Variants in RIOK1 observed in about 807,000 individuals in gnomAD.
The protein encoded by RIOK1 is serine/threonine-protein kinase RIO1.
A neutral mutation model predicts 73.5 loss-of-function variants in RIOK1; 66 were observed. The ratio of observed to expected loss-of-function variants is 0.90; its 90% CI spans 0.74 to 1.10. The LOEUF is 1.10. RIOK1 is among the 50% of genes least tolerant of loss of function. The pLI is 0.00. For missense variants in RIOK1, 658 were observed against 699.8 expected (o/e 0.94, Z 0.67); for synonymous variants, 224 against 226.8 (o/e 0.99, Z 0.11).
chr6:7,408,249 C>T (rs1761798403), intron 12 of RIOK1, among the ~76,000 whole-genome samples: 1 of 152,192 alleles, frequency 6.6e-6, no homozygotes, highest in Non-Finnish European at 1.5e-5. Flanking sequence ...TTGGCCATGG[C>T]AAGTCTCGAA....
rs756968345 is a variant in RIOK1 at position 7,402,616 on chromosome 6, A to C, written c.587A>C (p.His196Pro). 6 of 1,602,424 alleles carry C rather than the reference A, an allele frequency of 3.7e-6. No homozygotes were observed. In the South Asian group the frequency reaches 6.8e-5, roughly 18 times the overall value. ...GACTTAATATAGGCTAATGTATACC[A>C]TGCTAGCACAGCAAATGGAGAGAGC... Reference protein sequence around the residue: ...ISTGKEANVYHASTANGESRA... With the variant: ...ISTGKEANVYPASTANGESRA... The change falls in exon 7 of 17, where the codon CAT (histidine) becomes CCT (proline). Residue 196 changes from histidine (H) to proline (P), a missense_variant. Physicochemically the swap from His to Pro is moderately conservative, Grantham distance 77. Coordinates refer to ENST00000379834, the MANE Select transcript of RIOK1 (RefSeq NM_031480.3).
At chr6:7,403,492 G>A (rs1761664117) in intron 8 of RIOK1, among the ~76,000 whole-genome samples, 1 of 152,138 alleles carries the variant, frequency 6.6e-6, no homozygotes, top group Non-Finnish European at 1.5e-5. Flanking sequence ...TTTATATGGT[G>A]TACACAGGTG....
intron 13 of RIOK1, among the ~76,000 whole-genome samples, chr6:7,411,085 T>C (rs759947672): frequency 6.6e-6 from 1 of 152,210 alleles, no homozygotes; most frequent in Non-Finnish European, 1.5e-5. Flanking sequence ...TTGAATCAGC[T>C]CTAATGTTTT....
At chr6:7,411,294 T>G (rs1473403338) in intron 13 of RIOK1, 38 bp from the exon 14 acceptor site, 1 of 1,608,172 alleles carries the variant, frequency 6.2e-7, no homozygotes, top group Non-Finnish European at 8.5e-7. Flanking sequence ...GAGAAGTGTA[T>G]GAATAACAGT....
chr6:7,414,624 T>C (rs527377056), intron 16 of RIOK1, among the ~76,000 whole-genome samples: 10 of 152,242 alleles, frequency 6.6e-5, no homozygotes, highest in Admixed American at 6.5e-4. Flanking sequence ...CGCACTAAAT[T>C]CAGTACATTT....
At chr6:7,409,709 G>A (rs1281005000) in intron 12 of RIOK1, among the ~76,000 whole-genome samples, 1 of 148,516 alleles carries the variant, frequency 6.7e-6, no homozygotes, top group Non-Finnish European at 1.5e-5. Flanking sequence ...GATCTCAGGT[G>A]ATCTGCTGGC....
rs141234956 is a variant in RIOK1 at position 7,402,647 on chromosome 6, A to G, written c.618A>G (p.Ala206=). 2 of 1,612,818 alleles carry G rather than the reference A, an allele frequency of 1.2e-6. No individual in the cohort carries two copies. Among genetic ancestry groups the G allele is most frequent in the African/African-American group, 2.7e-5 (2 of 74,892 alleles). Residue 206 remains alanine (A), a synonymous_variant, in exon 7 of 17, where the codon GCA becomes GCG. Transcript: ENST00000379834. ...GCACAGCAAATGGAGAGAGCAGAGC[A>G]ATCAAAATTTATAAAACTTCTATTT... The part of the protein sequence containing the change: ...HASTANGESR[A]IKIYKTSILV...
rs1158519693 is a variant in RIOK1 at position 7,404,520 on chromosome 6, A to C, written c.957A>C (p.Arg319Ser). Reference sequence around the variant, plus strand: ...TGAGAAGAATGTATCAGGATGCCAGACTTGTCCATGCAGATCTCAGTGAAT... The same window carrying C: ...TGAGAAGAATGTATCAGGATGCCAGCCTTGTCCATGCAGATCTCAGTGAAT... ...QYMRRMYQDARLVHADLSEFN... is the reference protein window; with the variant it reads ...QYMRRMYQDASLVHADLSEFN... The change falls in exon 10 of 17, where the codon AGA becomes AGC. Residue 319 changes from arginine to serine, a missense_variant. Arg to Ser is a moderately radical substitution (Grantham distance 110). Transcript: ENST00000379834. 3.1e-6 allele frequency: 5 copies of C among 1,614,044 alleles called. No homozygotes were observed. Among genetic ancestry groups the C allele is most frequent in the Middle Eastern group, 1.6e-4 (1 of 6,084 alleles).
Position 7,405,288 on chromosome 6 carries a change from G to T in RIOK1, c.1136G>T (p.Arg379Leu). 6.2e-7 allele frequency: 1 copy of T among 1,613,414 alleles called. No homozygotes were observed. The highest frequency in any genetic ancestry group is 2.2e-5 in the East Asian group (1 of 44,874). The change falls in exon 12 of 17, where the codon CGG (arginine) becomes CTG (leucine). Residue 379 changes from arginine (R) to leucine (L), a missense_variant. Arg to Leu is a moderately radical substitution (Grantham distance 102). Transcript: ENST00000379834. The part of the protein sequence containing the change: ...MRHSVAVMTV[R>L]ELFEFVTDPS... ...CACAGTGTTGCTGTCATGACTGTGC[G>T]GGAGCTCTTTGAATTTGTCACAGAT...
chr6:7,404,603 C>G (rs755289948), intron 10 of RIOK1, 48 bp downstream of exon 10: 1 of 1,588,118 alleles, frequency 6.3e-7, no homozygotes, highest in South Asian at 1.1e-5. Flanking sequence ...TGTTTCGTGT[C>G]CTTTAAAATG....
rs1206750042 is a variant in RIOK1 at position 7,390,109 on chromosome 6, GCT to G, written c.71+42_71+43del. 4 of 1,538,536 alleles carry G rather than the reference GCT, an allele frequency of 2.6e-6. No homozygotes were observed. The African/African-American group carries it at 5.5e-5, about 21-fold the overall frequency. ...GTACAGTGCCCTGGCTCTGGGTACG[GCT>G]CTCTCCTTGACCGCCCCCTTGGGGT... On this transcript the variant is annotated intron_variant, in intron 1 of 16. Coordinates refer to ENST00000379834, the MANE Select transcript of RIOK1 (RefSeq NM_031480.3).
At chr6:7,403,013 T>C (rs2113513301) in intron 8 of RIOK1, 116 bp downstream of exon 8, 1 of 762,246 alleles carries the variant, frequency 1.3e-6, no homozygotes, top group Non-Finnish European at 2.1e-6. Flanking sequence ...TTAGGGCCTT[T>C]ATTTCTATTA....
chr6:7,416,599 G>T lies in RIOK1; in HGVS notation c.1597-732G>T, dbSNP rs570596914. Among the ~76,000 whole-genome samples, 8 of 145,698 alleles carry T rather than the reference G, an allele frequency of 5.5e-5. No individual in the cohort carries two copies. In the South Asian group the frequency reaches 1.3e-3, roughly 24 times the overall value. On this transcript the variant is annotated intron_variant, in intron 16 of 16. Coordinates refer to ENST00000379834, the MANE Select transcript of RIOK1 (RefSeq NM_031480.3). The stretch of plus-strand genomic sequence containing the variant: ...GGAGGCGGAGCTTGCAGTGAGCCGA[G>T]ATCACGCCACTGCATGCCAGCCTGG...
chr6:7,414,895 G>T (rs1761961718), intron 16 of RIOK1, among the ~76,000 whole-genome samples: 1 of 152,160 alleles, frequency 6.6e-6, no homozygotes, highest in Non-Finnish European at 1.5e-5. Context: ...AATTCATGCT[G>T]TCCTCCTCCA....
At chr6:7,410,502 G>GT (rs375991906) in intron 13 of RIOK1, 51 bp downstream of exon 13, 59,265 of 923,348 alleles carry the variant, frequency 0.064, no homozygotes, top group South Asian at 0.094. Context: ...TGTTTTGAGG[G>GT]TTTTTTTTTT....
chr6:7,396,236 C>T (rs1416987969), intron 3 of RIOK1, among the ~76,000 whole-genome samples: 1 of 152,180 alleles, frequency 6.6e-6, no homozygotes. Flanking sequence ...TGTGGATCTT[C>T]ACTCTAAACC....
At chr6:7,399,259 G>C (rs1315802585) in intron 5 of RIOK1, among the ~76,000 whole-genome samples, 1 of 152,086 alleles carries the variant, frequency 6.6e-6, no homozygotes. Context: ...CCAGATTTTT[G>C]ATGTGAAGAA....
intron 10 of RIOK1, 131 bp from the exon 11 acceptor site, chr6:7,404,787 A>G (rs1276285922): frequency 2.2e-6 from 2 of 901,474 alleles, no homozygotes; most frequent in Non-Finnish European, 3.4e-6. Context: ...CTGTTAGTCA[A>G]GATTGCCTCA....
At chr6:7,405,485 T>C in intron 12 of RIOK1, 130 bp downstream of exon 12, 3 of 571,752 alleles carry the variant, frequency 5.2e-6, no homozygotes, top group South Asian at 4.8e-5. Flanking sequence ...TGCCTTGTAC[T>C]TACCCTAGTT....
Sources: allele counts gnomAD v4.1 joint callset (sites outside exome capture counted in the v4.1 genomes callset), GRCh38; gene constraint gnomAD v4.1.1; transcripts MANE v1.5; gene names NCBI Gene and HGNC (gene_info 2026-07-23, HGNC 2026-07-21).